Variants in GDPD1 observed in about 807,000 individuals in gnomAD.
GDPD1 encodes glycerophosphodiester phosphodiesterase domain containing 1.
A neutral mutation model predicts 45.1 loss-of-function variants in GDPD1; 28 were observed. That is an observed-to-expected ratio of 0.62 (90% CI 0.46 to 0.85). The LOEUF (loss-of-function observed/expected upper bound fraction) is 0.85, where lower values mean the gene tolerates loss of function less well. GDPD1 is among the 40% of genes least tolerant of loss of function. GDPD1 has a pLI of 0.00. For synonymous variants in GDPD1, 139 were observed against 131.4 expected, an observed-to-expected ratio of 1.06 and a Z score of -0.40; for missense variants, 256 against 364.8, an observed-to-expected ratio of 0.70 and a Z score of 2.43.
chr17:59,246,913 A>G (rs1258618579), intron 3 of GDPD1, among the ~76,000 whole-genome samples: 1 of 150,976 alleles, frequency 6.6e-6, no homozygotes, highest in African/African-American at 2.4e-5. Flanking sequence ...GATTACAGAC[A>G]TGCACCACCA....
chr17:59,267,680 T>G (rs1255342194), intron 7 of GDPD1, among the ~76,000 whole-genome samples: 2 of 151,884 alleles, frequency 1.3e-5, no homozygotes, highest in South Asian at 2.1e-4. Flanking sequence ...TTTGTTTTTT[T>G]TTTTTTGAGA....
chr17:59,261,389 A>G (rs1457785809), intron 6 of GDPD1, among the ~76,000 whole-genome samples: 4 of 152,064 alleles, frequency 2.6e-5, no homozygotes, highest in African/African-American at 9.7e-5. Context: ...TAGAACTTAG[A>G]CTCTTCCATA....
chr17:59,223,072 CTG>C (rs1488503298), intron 1 of GDPD1, among the ~76,000 whole-genome samples: 1 of 152,168 alleles, frequency 6.6e-6, no homozygotes, highest in Non-Finnish European at 1.5e-5. Flanking sequence ...GCGTTAAAGA[CTG>C]TGTGCTAGAT....
At chr17:59,243,043 G>A (rs1450583247) in intron 2 of GDPD1, among the ~76,000 whole-genome samples, 1 of 152,024 alleles carries the variant, frequency 6.6e-6, no homozygotes, top group East Asian at 1.9e-4. Flanking sequence ...ACAAACATTA[G>A]CCAGGTGTGG....
intron 4 of GDPD1, among the ~76,000 whole-genome samples, chr17:59,253,945 A>G (rs1024910371): frequency 2.6e-5 from 4 of 152,040 alleles, no homozygotes; most frequent in African/African-American, 7.2e-5. Context: ...TAGGTAAAAA[A>G]CATGCTGGAT....
At chr17:59,251,463 G>A (rs2047253095) in intron 4 of GDPD1, among the ~76,000 whole-genome samples, 1 of 151,304 alleles carries the variant, frequency 6.6e-6, no homozygotes, top group Admixed American at 6.6e-5. Flanking sequence ...AGGTTGCAGT[G>A]AGCTGAGATC....
chr17:59,241,357 G>A (rs1408736414), intron 2 of GDPD1, among the ~76,000 whole-genome samples: 6 of 151,952 alleles, frequency 3.9e-5, no homozygotes, highest in Admixed American at 1.3e-4. Context: ...CGCTTTTGTC[G>A]CCCAAGCTGG....
intron 1 of GDPD1, among the ~76,000 whole-genome samples, chr17:59,233,552 C>T (rs1168816174): frequency 6.7e-6 from 1 of 148,284 alleles, no homozygotes; most frequent in African/African-American, 2.5e-5. Context: ...AAAAACAAAA[C>T]AATGAGACAG....
intron 8 of GDPD1, among the ~76,000 whole-genome samples, chr17:59,271,900 G>T (rs1184972855): frequency 6.6e-6 from 1 of 152,094 alleles, no homozygotes; most frequent in Non-Finnish European, 1.5e-5. Context: ...CTCCCAAAGT[G>T]CTGGGATTAC....
At chr17:59,266,921 C>T in intron 6 of GDPD1, 120 bp from the exon 7 acceptor site, 1 of 807,262 alleles carries the variant, frequency 1.2e-6, no homozygotes, top group South Asian at 1.7e-5. Context: ...TATTCATAAT[C>T]CCAGGAATGC....
intron 1 of GDPD1, among the ~76,000 whole-genome samples, chr17:59,232,456 A>C (rs1597965335): frequency 6.6e-6 from 1 of 152,186 alleles, no homozygotes; most frequent in South Asian, 2.1e-4. Flanking sequence ...TCTCAAAAAA[A>C]AAAAAAAAAT....
intron 7 of GDPD1, among the ~76,000 whole-genome samples, chr17:59,268,578 C>CAAAAA (rs1176390251): frequency 0.014 from 465 of 33,674 alleles, no homozygotes; most frequent in Non-Finnish European, 0.021. Flanking sequence ...GACTCTGTCT[C>CAAAAA]AAAAAAAAAA....
At chr17:59,223,701 A>G (rs1257204376) in intron 1 of GDPD1, among the ~76,000 whole-genome samples, 1 of 152,236 alleles carries the variant, frequency 6.6e-6, no homozygotes, top group African/African-American at 2.4e-5. Context: ...ATGTGTATAA[A>G]GTATATGCAA....
At chr17:59,246,294 T>C (rs2047210548) in intron 3 of GDPD1, among the ~76,000 whole-genome samples, 1 of 152,034 alleles carries the variant, frequency 6.6e-6, no homozygotes, top group Non-Finnish European at 1.5e-5. Flanking sequence ...CTGTGCATCA[T>C]GTATATTGAA....
chr17:59,226,331 C>T (rs1020622851), intron 1 of GDPD1, among the ~76,000 whole-genome samples: 1 of 151,708 alleles, frequency 6.6e-6, no homozygotes, highest in Admixed American at 6.6e-5. Context: ...GTTATCTAAC[C>T]TTGAAAGGAG....
chr17:59,238,682 G>A (rs1262132293), intron 2 of GDPD1, among the ~76,000 whole-genome samples: 1 of 152,152 alleles, frequency 6.6e-6, no homozygotes, highest in Non-Finnish European at 1.5e-5. Flanking sequence ...CAAAGTGCTA[G>A]GATTACAGGT....
intron 8 of GDPD1, among the ~76,000 whole-genome samples, chr17:59,272,547 C>T (rs1021007629): frequency 8.5e-5 from 13 of 152,302 alleles, no homozygotes; most frequent in Non-Finnish European, 1.8e-4. Flanking sequence ...TCCTATGAAT[C>T]TGGTAGCAGC....
chr17:59,236,893 C>G (rs890423732), intron 2 of GDPD1, among the ~76,000 whole-genome samples: 9 of 151,964 alleles, frequency 5.9e-5, no homozygotes, highest in Admixed American at 2.6e-4. Context: ...ATATAAAACC[C>G]CTCTTTTTTT....
intron 3 of GDPD1, among the ~76,000 whole-genome samples, chr17:59,248,193 G>C (rs1295920771): frequency 6.6e-6 from 1 of 151,836 alleles, no homozygotes; most frequent in South Asian, 2.1e-4. Flanking sequence ...CCTCCCAAAA[G>C]GATGGATCCT....
Sources: allele counts gnomAD v4.1 joint callset (sites outside exome capture counted in the v4.1 genomes callset), GRCh38; gene constraint gnomAD v4.1.1; transcripts MANE v1.5; gene names NCBI Gene and HGNC (gene_info 2026-07-23, HGNC 2026-07-21).